Variants in UMOD observed in about 807,000 individuals in gnomAD.
The protein encoded by UMOD is Tamm-Horsfall urinary glycoprotein.
Under a neutral mutation model 66.0 loss-of-function variants are expected in UMOD, and 64 were observed. The observed-to-expected ratio is 0.97, with a 90% CI of 0.79 to 1.19. UMOD has a LOEUF of 1.19. Among genes scored for constraint, UMOD ranks in the 50% most tolerant of loss-of-function variants. The probability of loss-of-function intolerance (pLI) is 0.00; values close to 1 mark genes in which losing one functional copy is unlikely to be tolerated. For synonymous variants in UMOD, 398 were observed against 352.7 expected (o/e 1.13, Z -1.44); for missense variants, 764 against 850.9 (o/e 0.90, Z 1.27).
chr16:20,344,532 G>A (rs1334655479), intron 5 of UMOD, among the ~76,000 whole-genome samples: 2 of 151,072 alleles, frequency 1.3e-5, no homozygotes, highest in Non-Finnish European at 2.9e-5. Context: ...GAACCCGGGA[G>A]GCAGAGCTTG....
chr16:20,351,702 C>A (rs1053789090), intron 1 of UMOD, among the ~76,000 whole-genome samples: 1 of 152,036 alleles, frequency 6.6e-6, no homozygotes, highest in Non-Finnish European at 1.5e-5. Flanking sequence ...TCCAGATCTT[C>A]GTGACCATGA....
chr16:20,340,170 T>C (rs1341047976), intron 7 of UMOD, among the ~76,000 whole-genome samples: 1 of 152,136 alleles, frequency 6.6e-6, no homozygotes, highest in Non-Finnish European at 1.5e-5. Flanking sequence ...TAAAAGATTA[T>C]AAAGGAAATC....
intron 5 of UMOD, among the ~76,000 whole-genome samples, chr16:20,345,400 T>C (rs10568779): frequency 0.043 from 3,390 of 77,934 alleles, 89 homozygotes; most frequent in Non-Finnish European, 0.067. Context: ...TTTTCTTTTT[T>C]TTTCTTTCTT....
In UMOD at chr16:20,341,541, G is replaced by C. The variant is rs9928757; in HGVS notation, c.1332-205C>G. ...GGGATCTAGATAAAATGCAGGCTCT[G>C]ATTTGGTGAGTATTGGGGTGGGGCT... On this transcript the variant is annotated intron_variant, in intron 6 of 10. Transcript: ENST00000396138. Among the ~76,000 whole-genome samples the C allele has an allele frequency of 0.15, 23,583 of 152,212 alleles. 2,285 individuals carry two copies. The highest frequency in any genetic ancestry group is 0.2 in the Non-Finnish European group (13,918 of 67,998).
intron 5 of UMOD, among the ~76,000 whole-genome samples, chr16:20,345,390 T>TTTC: frequency 9.0e-6 from 1 of 111,436 alleles, no homozygotes; most frequent in Admixed American, 9.1e-5. Flanking sequence ...CCTTCCTTTC[T>TTTC]TTTCTTTTTT....
In UMOD at chr16:20,348,972, T is replaced by A; in HGVS notation, c.329A>T (p.Asp110Val). 6.4e-7 allele frequency: 1 copy of A among 1,573,888 alleles called. No individual in the cohort carries two copies. The highest frequency in any genetic ancestry group is 2.3e-5 in the East Asian group (1 of 42,562). ...LSPGLGCTDVDECAEPGLSHC... is the reference protein window; with the variant it reads ...LSPGLGCTDVVECAEPGLSHC... ...GCTAAGCCCAGGCTCAGCGCACTCA[T>A]CCACGTCTGTGCAGCCGAGACCGGG... is the stretch of plus-strand genomic sequence containing the variant. The change falls in exon 3 of 11, where the codon GAT becomes GTT. Residue 110 changes from aspartate (D) to valine (V), a missense_variant. Physicochemically the swap from Asp to Val is radical, Grantham distance 152. Transcript: ENST00000396138.
chr16:20,333,426 G>A, intron 10 of UMOD, 51 bp from the exon 11 acceptor site: 2 of 1,549,872 alleles, frequency 1.3e-6, no homozygotes, highest in South Asian at 1.2e-5. Flanking sequence ...GTACTTTTGT[G>A]CAAATTAACA....
At chr16:20,353,231 G>A (rs537339641), upstream of UMOD, among the ~76,000 whole-genome samples, 1 of 152,310 alleles carries the variant, frequency 6.6e-6, no homozygotes, top group Admixed American at 6.5e-5. Flanking sequence ...GAGAGGAGCT[G>A]AGAATGGCTG....
chr16:20,336,522 G>A, intron 9 of UMOD, 124 bp downstream of exon 9: 1 of 861,166 alleles, frequency 1.2e-6, no homozygotes, highest in East Asian at 2.5e-5. Context: ...TTGCCCCAGA[G>A]GATCCACTTG....
Position 20,348,424 on chromosome 16 carries a change from A to G in UMOD, c.865+12T>C. 1 of 1,613,530 alleles carries G rather than the reference A, an allele frequency of 6.2e-7. No individual in the cohort carries two copies. On this transcript the variant is annotated intron_variant, in intron 3 of 10. Coordinates refer to ENST00000396138, the MANE Select transcript of UMOD (RefSeq NM_003361.4). The stretch of plus-strand genomic sequence containing the variant: ...GGCCTGGGATGAGGACTGTGGGGAG[A>G]CTCCGGCTGACCTGTGCAGTACGCC...
In UMOD at chr16:20,348,877, G is replaced by A. The variant is rs1280804618; in HGVS notation, c.424C>T (p.Arg142Trp). 6.4e-6 allele frequency: 10 copies of A among 1,550,612 alleles called. 1 individual carries two copies. In the South Asian group the frequency reaches 8.3e-5, roughly 13 times the overall value. Reference protein sequence around the residue: ...SYLCVCPAGYRGDGWHCECSP... With the variant: ...SYLCVCPAGYWGDGWHCECSP... Reference sequence around the variant, plus strand: ...CACTCACAGTGCCATCCATCCCCCCGGTAGCCCGCGGGGCATACGCACAAG... The same window carrying A: ...CACTCACAGTGCCATCCATCCCCCCAGTAGCCCGCGGGGCATACGCACAAG... The change falls in exon 3 of 11, where the codon CGG (arginine) becomes TGG (tryptophan). Residue 142 changes from arginine (R) to tryptophan (W), a missense_variant. Physicochemically the swap from Arg to Trp is moderately radical, Grantham distance 101. Coordinates refer to ENST00000396138, the MANE Select transcript of UMOD (RefSeq NM_003361.4).
At chr16:20,337,704 T>C (rs1964965009) in intron 7 of UMOD, among the ~76,000 whole-genome samples, 1 of 152,226 alleles carries the variant, frequency 6.6e-6, no homozygotes, top group African/African-American at 2.4e-5. Flanking sequence ...CCATAGGTGC[T>C]TTATATATTT....
upstream of UMOD, among the ~76,000 whole-genome samples, chr16:20,355,750 T>G (rs912327553): frequency 6.6e-6 from 1 of 152,260 alleles, no homozygotes. Context: ...GACTTGATCT[T>G]AATAATGCTG....
At chr16:20,334,032 C>CA (rs575596167) in intron 10 of UMOD, among the ~76,000 whole-genome samples, 23,270 of 56,778 alleles carry the variant, frequency 0.41, 4,783 homozygotes, top group Middle Eastern at 0.45. Flanking sequence ...GATTCCATCT[C>CA]AAAAAAAAAA....
intron 9 of UMOD, among the ~76,000 whole-genome samples, chr16:20,336,062 A>G (rs1964851259): frequency 6.6e-6 from 1 of 152,218 alleles, no homozygotes; most frequent in African/African-American, 2.4e-5. Context: ...CCTTTGTAGA[A>G]CTAAGAAATT....
At position 20,348,863 on chromosome 16, in the gene UMOD, C is replaced by T; in HGVS notation, c.438G>A (p.Trp146Ter). 6.5e-7 allele frequency: 1 copy of T among 1,549,056 alleles called. No individual in the cohort carries two copies. Among genetic ancestry groups the T allele is most frequent in the Admixed American group, 2.0e-5 (1 of 51,084 alleles). The change falls in exon 3 of 11, where the codon TGG (tryptophan) becomes TGA (stop). Residue 146 changes from tryptophan to a stop codon, truncating the protein, a stop_gained. Coordinates refer to ENST00000396138, the MANE Select transcript of UMOD (RefSeq NM_003361.4). LOFTEE classifies it high-confidence loss of function. ...AGGAGCCCGGGGAGCACTCACAGTG[C>T]CATCCATCCCCCCGGTAGCCCGCGG... ...VCPAGYRGDG[W>*]HCECSPGSCG...
In UMOD at chr16:20,349,585, G is replaced by T. The variant is rs116892778; in HGVS notation, c.89-373C>A. ...CCTGCCTCAGCTTCCCAAAAAGTTG[G>T]GACCACAGGCACGTGCAATCGCGCC... On this transcript the variant is annotated intron_variant, in intron 2 of 10. Coordinates refer to ENST00000396138, the MANE Select transcript of UMOD (RefSeq NM_003361.4). The T allele has an allele frequency of 8.3e-3, 10,901 of 1,306,254 alleles. 63 individuals carry two copies. The highest frequency in any genetic ancestry group is 0.016 in the Middle Eastern group (77 of 4,934). The allele number at this position is 1,306,254 out of a possible 1,614,324, so 80.9% of individuals were successfully genotyped here.
chr16:20,344,578 C>T (rs554509557), intron 5 of UMOD, among the ~76,000 whole-genome samples: 7 of 141,036 alleles, frequency 5.0e-5, no homozygotes, highest in East Asian at 4.0e-4. Flanking sequence ...ACTTTAGCCT[C>T]GGCGACAGGG....
intron 7 of UMOD, among the ~76,000 whole-genome samples, chr16:20,339,535 G>A (rs777906585): frequency 6.6e-6 from 1 of 152,162 alleles, no homozygotes; most frequent in Non-Finnish European, 1.5e-5. Flanking sequence ...ACAGACTTCT[G>A]CTTTATTTTT....
Sources: allele counts gnomAD v4.1 joint callset (sites outside exome capture counted in the v4.1 genomes callset), GRCh38; gene constraint gnomAD v4.1.1; transcripts MANE v1.5; gene names NCBI Gene and HGNC (gene_info 2026-07-23, HGNC 2026-07-21).